The following EPHA3 variants were observed in gnomAD, a reference collection of about 807,000 sequenced individuals.
The protein encoded by EPHA3 is EPH receptor A3, also known as ephrin type-A receptor 3.
In EPHA3, 42 loss-of-function variants were observed where a neutral mutation model predicts 107.1. The observed-to-expected ratio is 0.39, with a 90% CI of 0.31 to 0.51. The LOEUF (loss-of-function observed/expected upper bound fraction) is 0.51. Ranked by LOEUF, EPHA3 falls within the 20% of genes least tolerant of loss-of-function variation. The pLI, the probability that EPHA3 is intolerant of heterozygous loss-of-function variation, is 0.78. For missense variants in EPHA3, 1,183 were observed against 1,211.2 expected (o/e 0.98, Z 0.35); for synonymous variants, 461 against 424.8 (o/e 1.09, Z -1.05).
intron 3 of EPHA3, among the ~76,000 whole-genome samples, chr3:89,238,438 AT>A (rs902658122): frequency 3.3e-5 from 5 of 152,270 alleles, no homozygotes; most frequent in South Asian, 4.1e-4. Context: ...TGATAATTGA[AT>A]TTTTTTCTAA....
At chr3:89,310,445 CT>C (rs1440098010) in intron 3 of EPHA3, among the ~76,000 whole-genome samples, 1 of 151,818 alleles carries the variant, frequency 6.6e-6, no homozygotes. Context: ...AGTAGGTTAA[CT>C]GAAAAGCACT....
chr3:89,203,630 A>C (rs1706028629), intron 2 of EPHA3, among the ~76,000 whole-genome samples: 1 of 151,876 alleles, frequency 6.6e-6, no homozygotes, highest in Admixed American at 6.6e-5. Context: ...ACAAAAAATC[A>C]GCCGGGCGCA....
At chr3:89,352,875 C>A (rs2107445193) in intron 5 of EPHA3, among the ~76,000 whole-genome samples, 1 of 136,998 alleles carries the variant, frequency 7.3e-6, no homozygotes, top group South Asian at 2.2e-4. Context: ...TGCACTCCAG[C>A]CTGGGCGACA....
At chr3:89,111,311 A>G (rs1228208513) in intron 1 of EPHA3, among the ~76,000 whole-genome samples, 4 of 152,078 alleles carry the variant, frequency 2.6e-5, no homozygotes, top group African/African-American at 9.7e-5. Context: ...ATATATAAAC[A>G]CTTTTCCTCA....
chr3:89,289,934 C>T (rs1173515269), intron 3 of EPHA3, among the ~76,000 whole-genome samples: 1 of 152,074 alleles, frequency 6.6e-6, no homozygotes, highest in Non-Finnish European at 1.5e-5. Context: ...GTTTAGGTTT[C>T]TGGGTTGTGA....
chr3:89,449,419 C>G (rs770278255), intron 14 of EPHA3, 45 bp downstream of exon 14: 1 of 1,495,364 alleles, frequency 6.7e-7, no homozygotes. Flanking sequence ...ATGAAAAGAT[C>G]AAGCTGTGCA....
intron 2 of EPHA3, among the ~76,000 whole-genome samples, chr3:89,147,352 A>T (rs1704584983): frequency 1.3e-5 from 2 of 151,898 alleles, no homozygotes; most frequent in East Asian, 1.9e-4. Flanking sequence ...AAGGAAAAAA[A>T]AGCCACAGAG....
intron 2 of EPHA3, among the ~76,000 whole-genome samples, chr3:89,150,736 C>T (rs1436082125): frequency 2.6e-5 from 4 of 152,046 alleles, no homozygotes; most frequent in South Asian, 2.1e-4. Flanking sequence ...ACCAAAATGA[C>T]GGACTGTTTC....
chr3:89,162,476 C>T (rs1165931336), intron 2 of EPHA3, among the ~76,000 whole-genome samples: 1 of 152,216 alleles, frequency 6.6e-6, no homozygotes, highest in Non-Finnish European at 1.5e-5. Flanking sequence ...AATGTTCCTT[C>T]ACTCAGTATT....
chr3:89,407,811 A>G (rs1709083303), intron 8 of EPHA3, among the ~76,000 whole-genome samples: 1 of 152,156 alleles, frequency 6.6e-6, no homozygotes, highest in Non-Finnish European at 1.5e-5. Context: ...TTCTAAAGCC[A>G]TTATAAAAAC....
chr3:89,410,125 A>G (rs776865569), intron 9 of EPHA3, among the ~76,000 whole-genome samples: 4 of 152,010 alleles, frequency 2.6e-5, no homozygotes, highest in Non-Finnish European at 5.9e-5. Flanking sequence ...CAGTGCTTCT[A>G]CAGCGAACAG....
chr3:89,398,130 C>T (rs952145851), intron 6 of EPHA3, among the ~76,000 whole-genome samples: 4 of 152,104 alleles, frequency 2.6e-5, no homozygotes, highest in African/African-American at 4.8e-5. Context: ...CTGGTTATTT[C>T]GCTGATGGTG....
intron 3 of EPHA3, among the ~76,000 whole-genome samples, chr3:89,283,814 A>C (rs1226512662): frequency 1.3e-5 from 2 of 152,182 alleles, no homozygotes; most frequent in East Asian, 3.8e-4. Context: ...TCCCTTGTAA[A>C]AATGCTCTAA....
rs1359515637 is a variant in EPHA3 at position 89,480,967 on chromosome 3, T to C, written c.*1465T>C. ...CATCACAGGGATTTAGACTTACTAT[T>C]ACATAAAGGCTAACTATGAGCTTGC... On this transcript the variant is annotated 3_prime_UTR_variant, in exon 17 of 17. Coordinates refer to ENST00000336596, the MANE Select transcript of EPHA3 (RefSeq NM_005233.6). The C allele has an allele frequency of 4.3e-6, 1 of 231,740 alleles. No homozygotes were observed. The highest frequency in any genetic ancestry group is 2.2e-5 in the African/African-American group (1 of 45,280). 14.4% of individuals were successfully genotyped at this position (231,740 alleles called of 1,614,324 possible). A position where few individuals can be genotyped will look rare whatever the true frequency, so the allele number is the denominator to read the frequency against.
intron 5 of EPHA3, among the ~76,000 whole-genome samples, chr3:89,369,672 A>G (rs13094064): frequency 0.13 from 18,739 of 147,398 alleles, 1,566 homozygotes; most frequent in East Asian, 0.18. Context: ...TAATTAAACT[A>G]AAGAGCTTCT....
chr3:89,472,523 G>A lies in EPHA3; in HGVS notation c.2750G>A (p.Gly917Asp), dbSNP rs1312335539. The change falls in exon 16 of 17, where the codon GGT (glycine) becomes GAT (aspartate). Residue 917 changes from glycine (G) to aspartate (D), a missense_variant. Coordinates refer to ENST00000336596, the MANE Select transcript of EPHA3 (RefSeq NM_005233.6). The stretch of plus-strand genomic sequence containing the variant: ...GATATCACTACCTTCCGCACAACAG[G>A]TGACTGGCTTAATGGTGTCTGGACA... ...NVDITTFRTTGDWLNGVWTAH... is the reference protein window; with the variant it reads ...NVDITTFRTTDDWLNGVWTAH... 1 of 1,613,934 alleles carries A rather than the reference G, an allele frequency of 6.2e-7. No homozygotes were observed. The highest frequency in any genetic ancestry group is 1.3e-5 in the African/African-American group (1 of 74,872).
At chr3:89,470,636 A>C (rs745409735) in intron 15 of EPHA3, among the ~76,000 whole-genome samples, 1 of 152,214 alleles carries the variant, frequency 6.6e-6, no homozygotes, top group Admixed American at 6.5e-5. Context: ...ACTAAACTTC[A>C]GGGCATATAA....
At chr3:89,250,689 A>G (rs964447603) in intron 3 of EPHA3, among the ~76,000 whole-genome samples, 1 of 152,190 alleles carries the variant, frequency 6.6e-6, no homozygotes, top group Non-Finnish European at 1.5e-5. Flanking sequence ...TTTCCTTAAA[A>G]GGCTCAAACT....
chr3:89,375,925 A>G (rs1377752398), intron 5 of EPHA3, among the ~76,000 whole-genome samples: 1 of 151,956 alleles, frequency 6.6e-6, no homozygotes, highest in Non-Finnish European at 1.5e-5. Context: ...TCTAGCAATG[A>G]GAATGTTTCA....
Sources: gnomAD v4.1 joint callset for allele counts (sites outside exome capture counted in the v4.1 genomes callset) on GRCh38, gnomAD v4.1.1 for gene constraint, MANE v1.5 for transcripts, NCBI Gene and HGNC (gene_info 2026-07-23, HGNC 2026-07-21) for gene names.